The following NTRK2 variants were observed in gnomAD, a reference collection of about 807,000 sequenced individuals.
NTRK2 encodes BDNF/NT-3 growth factors receptor.
Under a neutral mutation model 94.5 loss-of-function variants are expected in NTRK2, and 13 were observed. That is an observed-to-expected ratio of 0.14 (90% CI 0.09 to 0.22). The LOEUF (loss-of-function observed/expected upper bound fraction) is 0.22, where lower values mean the gene tolerates loss of function less well. Ranked by LOEUF, NTRK2 falls within the 10% of genes least tolerant of loss-of-function variation. The pLI, the probability that NTRK2 is intolerant of heterozygous loss-of-function variation, is 1.00. For missense variants in NTRK2, 639 were observed against 1,071.2 expected (o/e 0.60, Z 5.63); for synonymous variants, 372 against 407.4 (o/e 0.91, Z 1.05).
intron 15 of NTRK2, among the ~76,000 whole-genome samples, chr9:84,943,555 A>G (rs2078487304): frequency 6.6e-6 from 1 of 152,200 alleles, no homozygotes; most frequent in East Asian, 1.9e-4. Flanking sequence ...ACCAGGAATA[A>G]GAAGAAATGA....
intron 12 of NTRK2, among the ~76,000 whole-genome samples, chr9:84,835,610 C>T (rs2073826409): frequency 6.6e-6 from 1 of 152,130 alleles, no homozygotes; most frequent in Non-Finnish European, 1.5e-5. Context: ...AAAACCAAAG[C>T]TGCCCCTCCC....
intron 2 of NTRK2, among the ~76,000 whole-genome samples, chr9:84,674,894 C>T (rs567841808): frequency 1.3e-5 from 2 of 152,322 alleles, no homozygotes; most frequent in Admixed American, 6.5e-5. Context: ...CCCCTTCCAT[C>T]ACCCATTATT....
chr9:84,684,755 T>C (rs1342011057), intron 2 of NTRK2, among the ~76,000 whole-genome samples: 1 of 152,220 alleles, frequency 6.6e-6, no homozygotes, highest in African/African-American at 2.4e-5. Flanking sequence ...ATGATTCAGA[T>C]TGAAAGTCTT....
intron 2 of NTRK2, among the ~76,000 whole-genome samples, chr9:84,690,223 T>A (rs557190874): frequency 6.6e-6 from 1 of 152,302 alleles, no homozygotes; most frequent in Non-Finnish European, 1.5e-5. Context: ...TTCATAGAGA[T>A]CCTAAAATTT....
chr9:84,890,411 CTT>C (rs1167868087), intron 14 of NTRK2, among the ~76,000 whole-genome samples: 1 of 152,138 alleles, frequency 6.6e-6, no homozygotes, highest in Admixed American at 6.5e-5. Flanking sequence ...TACTCAGAAT[CTT>C]TTTTATGAAG....
rs118065850 is a variant in NTRK2 at position 84,965,928 on chromosome 9, A to T, written c.2172+10411A>T. On this transcript the variant is annotated intron_variant, in intron 17 of 18. Coordinates refer to ENST00000277120, the MANE Select transcript of NTRK2 (RefSeq NM_006180.6). ...GTATGAGAGACTAGAAAACTCCAAG[A>T]TATTGTTACATCAACGTAGCATAAT... Among the ~76,000 whole-genome samples the T allele has an allele frequency of 9.2e-5, 14 of 152,224 alleles. 1 individual carries two copies. In the East Asian group the frequency reaches 2.7e-3, roughly 29 times the overall value.
chr9:84,983,376 C>A (rs1827890021), intron 17 of NTRK2, among the ~76,000 whole-genome samples: 1 of 152,202 alleles, frequency 6.6e-6, no homozygotes, highest in Admixed American at 6.5e-5. Flanking sequence ...TCTTGAAGGA[C>A]AGCAGTCAAG....
intron 12 of NTRK2, among the ~76,000 whole-genome samples, chr9:84,821,702 T>G (rs758599012): frequency 1.3e-5 from 2 of 152,180 alleles, no homozygotes; most frequent in Non-Finnish European, 2.9e-5. Flanking sequence ...TTCCAGGGTT[T>G]ATAAATGATG....
At chr9:84,816,722 T>C (rs1228711162) in intron 12 of NTRK2, among the ~76,000 whole-genome samples, 1 of 135,490 alleles carries the variant, frequency 7.4e-6, no homozygotes, top group Non-Finnish European at 1.5e-5. Flanking sequence ...GAGTTTGCAG[T>C]GAGCCAAGGT....
intron 14 of NTRK2, among the ~76,000 whole-genome samples, chr9:84,895,955 T>C (rs2076746437): frequency 6.6e-6 from 1 of 152,216 alleles, no homozygotes; most frequent in Non-Finnish European, 1.5e-5. Flanking sequence ...CTATGTTAAT[T>C]CGTAAATAAA....
At chr9:84,676,356 G>C (rs2059053147) in intron 2 of NTRK2, among the ~76,000 whole-genome samples, 1 of 152,212 alleles carries the variant, frequency 6.6e-6, no homozygotes, top group Non-Finnish European at 1.5e-5. Context: ...TTTGGTGTCA[G>C]AGTGTTATGT....
At chr9:84,901,014 G>T (rs1021967497) in intron 14 of NTRK2, among the ~76,000 whole-genome samples, 3 of 152,120 alleles carry the variant, frequency 2.0e-5, no homozygotes, top group Non-Finnish European at 2.9e-5. Context: ...ATAAAACTAC[G>T]AAGTAGAACA....
chr9:84,824,987 A>T (rs989604496), intron 12 of NTRK2, among the ~76,000 whole-genome samples: 9 of 151,082 alleles, frequency 6.0e-5, no homozygotes, highest in Admixed American at 5.3e-4. Flanking sequence ...AGGCAAAAAG[A>T]TCAGTTTTTT....
At position 84,865,986 on chromosome 9, in the gene NTRK2, C is replaced by T. The variant is rs76463964; in HGVS notation, c.1445-1257C>T. Among the ~76,000 whole-genome samples, 704 of 152,312 alleles carry T rather than the reference C, an allele frequency of 4.6e-3. 3 individuals are homozygous for T. Among genetic ancestry groups the T allele is most frequent in the Non-Finnish European group, 8.0e-3 (544 of 68,030 alleles). ...ATGGGTAAATTGTTTAGACAAGATACAGTAGACTGTATGTGTGAGCATATA... is the reference window on the plus strand; with the variant it reads ...ATGGGTAAATTGTTTAGACAAGATATAGTAGACTGTATGTGTGAGCATATA... On this transcript the variant is annotated intron_variant, in intron 13 of 18. Transcript: ENST00000277120.
At chr9:84,828,820 G>A (rs2073348029) in intron 12 of NTRK2, among the ~76,000 whole-genome samples, 1 of 152,148 alleles carries the variant, frequency 6.6e-6, no homozygotes, top group Admixed American at 6.5e-5. Flanking sequence ...TAAAGGGGCA[G>A]GCAAATATAT....
rs555063979 is a variant in NTRK2 at position 85,004,545 on chromosome 9, T to C, written c.2173-15661T>C. Among the ~76,000 whole-genome samples the C allele has an allele frequency of 3.3e-5, 5 of 152,286 alleles. No homozygotes were observed. The South Asian group carries it at 8.3e-4, about 25-fold the overall frequency. On this transcript the variant is annotated intron_variant, in intron 17 of 18. Coordinates refer to ENST00000277120, the MANE Select transcript of NTRK2 (RefSeq NM_006180.6). ...TAAATGCCAATGATCTGCACATAAA[T>C]ACGTGTTTTGTTATAAACGAAGTGC...
intron 14 of NTRK2, chr9:84,874,484 G>T: frequency 9.4e-7 from 1 of 1,065,864 alleles, no homozygotes; most frequent in Non-Finnish European, 1.1e-6. Context: ...CTCCTTCCTG[G>T]GGAGCTGTGA....
At chr9:84,778,538 T>C (rs2067266914) in intron 12 of NTRK2, among the ~76,000 whole-genome samples, 1 of 152,230 alleles carries the variant, frequency 6.6e-6, no homozygotes, top group Non-Finnish European at 1.5e-5. Context: ...ACTGAGATCA[T>C]GGTAAATCTT....
chr9:84,979,231 C>T (rs1378423673), intron 17 of NTRK2, among the ~76,000 whole-genome samples: 4 of 152,232 alleles, frequency 2.6e-5, no homozygotes, highest in Non-Finnish European at 5.9e-5. Flanking sequence ...CCTTCTGGAA[C>T]ATATTCCCCA....
Sources: allele counts gnomAD v4.1 joint callset (sites outside exome capture counted in the v4.1 genomes callset), GRCh38; gene constraint gnomAD v4.1.1; transcripts MANE v1.5; gene names NCBI Gene and HGNC (gene_info 2026-07-23, HGNC 2026-07-21).